The following TPRKB variants were observed in gnomAD, a reference collection of about 807,000 sequenced individuals.
TPRKB encodes the protein TP53RK binding protein, also known as EKC/KEOPS complex subunit TPRKB.
In TPRKB, 11 loss-of-function variants were observed where a neutral mutation model predicts 17.8. The ratio of observed to expected loss-of-function variants is 0.62; its 90% CI spans 0.39 to 1.02. The LOEUF (loss-of-function observed/expected upper bound fraction) is 1.02. Ranked by LOEUF, TPRKB falls within the 50% of genes least tolerant of loss-of-function variation. The probability of loss-of-function intolerance (pLI) is 0.00; values close to 1 mark genes in which losing one functional copy is unlikely to be tolerated. For missense variants in TPRKB, 228 were observed against 198.0 expected (o/e 1.15, Z -0.91); for synonymous variants, 71 against 69.5 (o/e 1.02, Z -0.11).
chr2:73,736,442 G>C (rs529698403), intron 1 of TPRKB, among the ~76,000 whole-genome samples: 2 of 152,182 alleles, frequency 1.3e-5, no homozygotes, highest in South Asian at 4.2e-4. Flanking sequence ...TAATAAGAAA[G>C]GAAAAAAACG....
Position 73,733,258 on chromosome 2 carries a change from T to TTTG in TPRKB, c.142-974_142-973insCAA, listed in dbSNP as rs1317982825. On this transcript the variant is annotated intron_variant, in intron 2 of 4. Transcript: ENST00000272424. ...CTGCGTGTGCCCTGTTTTTTTGTTT[T>TTTG]TTTTTTTTTTTGGAGACAGACAGAG... Among the ~76,000 whole-genome samples the TTTG allele has an allele frequency of 1.2e-4, 17 of 144,892 alleles. No homozygotes were observed. The South Asian group carries it at 3.0e-3, about 25-fold the overall frequency.
intron 2 of TPRKB, among the ~76,000 whole-genome samples, chr2:73,733,737 C>T (rs975106877): frequency 2.0e-5 from 3 of 151,866 alleles, no homozygotes; most frequent in Admixed American, 1.3e-4. Context: ...TTTCCCTAAC[C>T]GTGACAGATT....
chr2:73,730,233 C>A, intron 4 of TPRKB: 1 of 551,906 alleles, frequency 1.8e-6, no homozygotes, highest in East Asian at 4.1e-5. Flanking sequence ...GGGAGTAACT[C>A]TCAAGAACAT....
In TPRKB at chr2:73,730,715, A is replaced by AT. The variant is rs1558756624; in HGVS notation, c.285dup (p.Phe96IlefsTer7). 1 of 1,525,464 alleles carries AT rather than the reference A, an allele frequency of 6.6e-7. No individual in the cohort carries two copies. The highest frequency in any genetic ancestry group is 2.5e-5 in the East Asian group (1 of 39,558). The allele number at this position is 1,525,464 out of a possible 1,614,324, so 94.5% of individuals were successfully genotyped here. A position where few individuals can be genotyped will look rare whatever the true frequency, so the allele number is the denominator to read the frequency against. On this transcript the variant is annotated frameshift_variant, in exon 4 of 5. Transcript: ENST00000272424. LOFTEE classifies it high-confidence loss of function. Reference sequence around the variant, plus strand: ...GAAGTGTCATTTGCTGAGATACCAAATTTTTTCAAAGCCTCTGAAATCTAA... The same window carrying AT: ...GAAGTGTCATTTGCTGAGATACCAAATTTTTTTCAAAGCCTCTGAAATCTAA...
chr2:73,737,039 G>A (rs944423070), intron 1 of TPRKB, among the ~76,000 whole-genome samples: 16 of 152,088 alleles, frequency 1.1e-4, no homozygotes, highest in African/African-American at 3.4e-4. Flanking sequence ...CGGCACTACG[G>A]CTCTTTTTAG....
intron 1 of TPRKB, 109 bp downstream of exon 1, chr2:73,737,193 G>A (rs1415792607): frequency 6.6e-6 from 1 of 152,246 alleles, no homozygotes; most frequent in East Asian, 1.9e-4. Flanking sequence ...GGCTGGCCTC[G>A]TTGCCGCTTG....
chr2:73,732,931 T>C (rs1671689293), intron 2 of TPRKB, among the ~76,000 whole-genome samples: 1 of 152,130 alleles, frequency 6.6e-6, no homozygotes, highest in Non-Finnish European at 1.5e-5. Context: ...TTATTAGTAG[T>C]AGTAGCAGTA....
intron 3 of TPRKB, among the ~76,000 whole-genome samples, chr2:73,731,344 T>G (rs956943132): frequency 3.3e-5 from 5 of 152,234 alleles, no homozygotes; most frequent in Non-Finnish European, 7.3e-5. Flanking sequence ...CCCCTAGAAC[T>G]GTAAATGGAA....
chr2:73,732,866 TTTTAC>T (rs1429390146), intron 2 of TPRKB, among the ~76,000 whole-genome samples: 26 of 152,302 alleles, frequency 1.7e-4, no homozygotes, highest in Middle Eastern at 6.8e-3. Flanking sequence ...ATTGCAAACA[TTTTAC>T]TTGTAATATT....
chr2:73,730,465 T>C lies in TPRKB; in HGVS notation c.441+95A>G, dbSNP rs1671546909. The C allele has an allele frequency of 4.7e-6, 4 of 846,040 alleles. No homozygotes were observed. In the East Asian group the frequency reaches 9.0e-5, roughly 19 times the overall value. The allele number at this position is 846,040 out of a possible 1,614,324, so 52.4% of individuals were successfully genotyped here. On this transcript the variant is annotated intron_variant, in intron 4 of 4. Coordinates refer to ENST00000272424, the MANE Select transcript of TPRKB (RefSeq NM_016058.5). ...AAAATTAGATTAACTTTCTCAAAAG[T>C]TCAAAAAACAAGGAGCTCTGGTGAT...
At chr2:73,735,489 TA>T (rs917492672) in intron 1 of TPRKB, among the ~76,000 whole-genome samples, 25 of 150,300 alleles carry the variant, frequency 1.7e-4, no homozygotes, top group African/African-American at 5.6e-4. Context: ...AGTATAAAAA[TA>T]AAAAAAAAGG....
At chr2:73,730,305 T>C (rs1671538896) in intron 4 of TPRKB, 2 of 424,798 alleles carry the variant, frequency 4.7e-6, no homozygotes, top group Non-Finnish European at 8.1e-6. Context: ...TTAAATATAC[T>C]ATGTAAGTTT....
intron 3 of TPRKB, 45 bp from the exon 4 acceptor site, chr2:73,730,781 T>C: frequency 2.2e-6 from 3 of 1,357,778 alleles, no homozygotes; most frequent in African/African-American, 1.5e-5. Flanking sequence ...TCATTAACCA[T>C]TGTTTCCTAC....
chr2:73,737,045 T>C (rs1671920274), intron 1 of TPRKB, among the ~76,000 whole-genome samples: 1 of 152,192 alleles, frequency 6.6e-6, no homozygotes, highest in Admixed American at 6.5e-5. Context: ...TACGGCTCTT[T>C]TTAGTCTGAG....
intron 1 of TPRKB, 118 bp from the exon 2 acceptor site, chr2:73,734,709 A>C: frequency 1.1e-6 from 1 of 939,852 alleles, no homozygotes; most frequent in East Asian, 2.7e-5. Context: ...AACTAGAAAA[A>C]TCCATCGCCA....
chr2:73,734,490 C>G lies in TPRKB; in HGVS notation c.80G>C (p.Gly27Ala), dbSNP rs762430198. 5.6e-6 allele frequency: 9 copies of G among 1,613,974 alleles called. No homozygotes were observed. The African/African-American group carries it at 1.1e-4, about 19-fold the overall frequency. The change falls in exon 2 of 5, where the codon GGA becomes GCA. Residue 27 changes from glycine (G) to alanine (A), a missense_variant. Gly to Ala is a moderately conservative substitution (Grantham distance 60). Coordinates refer to ENST00000272424, the MANE Select transcript of TPRKB (RefSeq NM_016058.5). ...TTCCATGGCCTTTCTTCTCAAGTCT[C>G]CCGCATTTTTTACATCTTTAAATAA... ...LLLFKDVKNA[G>A]DLRRKAMEGT...
At chr2:73,735,475 T>TTAAAG (rs1671838382) in intron 1 of TPRKB, among the ~76,000 whole-genome samples, 1 of 152,136 alleles carries the variant, frequency 6.6e-6, no homozygotes, top group East Asian at 1.9e-4. Flanking sequence ...ACCCTAGAAC[T>TTAAAG]TAAAGTATAA....
At chr2:73,732,366 CCA>C (rs1671655864) in intron 2 of TPRKB, 81 bp from the exon 3 acceptor site, 1 of 1,439,322 alleles carries the variant, frequency 6.9e-7, no homozygotes, top group Non-Finnish European at 9.5e-7. Context: ...ATGGTTAACT[CCA>C]GTGTCAAGCT....
At chr2:73,730,337 T>C in intron 4 of TPRKB, 1 of 448,888 alleles carries the variant, frequency 2.2e-6, no homozygotes, top group South Asian at 4.1e-5. Flanking sequence ...GTATTCTCTT[T>C]CTTAATGTGG....
Sources: gnomAD v4.1 joint callset for allele counts (sites outside exome capture counted in the v4.1 genomes callset) on GRCh38, gnomAD v4.1.1 for gene constraint, MANE v1.5 for transcripts, NCBI Gene and HGNC (gene_info 2026-07-23, HGNC 2026-07-21) for gene names.